CUBN: variants seen among roughly 807,000 people sequenced by gnomAD.
CUBN encodes the protein cubilin.
A neutral mutation model predicts 405.3 loss-of-function variants in CUBN; 282 were observed. That is an observed-to-expected ratio of 0.70 (90% CI 0.63 to 0.77). CUBN has a LOEUF of 0.77. Ranked by LOEUF, CUBN falls within the 30% of genes least tolerant of loss-of-function variation. The pLI is 0.00. For synonymous variants in CUBN, 1,684 were observed against 1,617.0 expected (o/e 1.04, Z -0.99); for missense variants, 4,514 against 4,475.2 (o/e 1.01, Z -0.25).
At chr10:16,948,361 C>T in intron 35 of CUBN, 117 bp downstream of exon 35, 1 of 1,355,372 alleles carries the variant, frequency 7.4e-7, no homozygotes, top group Non-Finnish European at 1.0e-6. Flanking sequence ...AGATTTGGCC[C>T]AGAGGTGATC....
At chr10:16,978,870 G>T (rs1451864834) in intron 31 of CUBN, among the ~76,000 whole-genome samples, 1 of 152,186 alleles carries the variant, frequency 6.6e-6, no homozygotes, top group African/African-American at 2.4e-5. Flanking sequence ...AAGAAACAAA[G>T]CATATTCAAA....
intron 39 of CUBN, among the ~76,000 whole-genome samples, chr10:16,937,160 C>G (rs1054004602): frequency 6.6e-6 from 1 of 152,092 alleles, no homozygotes; most frequent in African/African-American, 2.4e-5. Flanking sequence ...AAATTTACAA[C>G]CAGCTAAGGA....
At chr10:16,878,609 G>A (rs1056717441) in intron 56 of CUBN, among the ~76,000 whole-genome samples, 9 of 152,046 alleles carry the variant, frequency 5.9e-5, no homozygotes, top group African/African-American at 2.2e-4. Context: ...TGGTGTTGCC[G>A]ACTTACTCTC....
intron 22 of CUBN, among the ~76,000 whole-genome samples, chr10:17,053,233 T>A (rs565208837): frequency 6.6e-6 from 1 of 152,048 alleles, no homozygotes. Flanking sequence ...ATAAAAATAA[T>A]TACATTAGTT....
chr10:17,051,397 A>G (rs996163499), intron 22 of CUBN, among the ~76,000 whole-genome samples: 3 of 152,206 alleles, frequency 2.0e-5, no homozygotes, highest in Admixed American at 6.5e-5. Flanking sequence ...TATGAATCAA[A>G]TCAAGAAAAG....
Position 16,976,006 on chromosome 10 carries a change from T to C in CUBN, c.4695+6478A>G, listed in dbSNP as rs564037026. 2.0e-5 allele frequency among the ~76,000 whole-genome samples: 3 copies of C among 150,788 alleles called. No individual in the cohort carries two copies. In the South Asian group the frequency reaches 6.3e-4, roughly 32 times the overall value. ...TTTTTTTAACAGACAGGGTCTTGCT[T>C]GTTGCCTAGGCTGAAGTGCAGTGGC... is the stretch of plus-strand genomic sequence containing the variant. On this transcript the variant is annotated intron_variant, in intron 31 of 66. Transcript: ENST00000377833.
intron 27 of CUBN, among the ~76,000 whole-genome samples, chr10:17,032,350 C>A (rs1357777138): frequency 6.6e-6 from 1 of 152,106 alleles, no homozygotes; most frequent in Non-Finnish European, 1.5e-5. Context: ...ATTCCTTGCC[C>A]AAGATCACAG....
At position 17,123,613 on chromosome 10, in the gene CUBN, A is replaced by G. The variant is rs1837096742; in HGVS notation, c.464T>C (p.Phe155Ser). Reference sequence around the variant, plus strand: ...CTTCCACTGTGGGGGACAGATACAAAAAAAGGAATCATGCAGATTGAGGCA... The same window carrying G: ...CTTCCACTGTGGGGGACAGATACAAGAAAAGGAATCATGCAGATTGAGGCA... ...GTCLNLHDSF[F>S]CICPPQWKGP... is the part of the protein sequence containing the mutation. Residue 155 changes from phenylalanine to serine, a missense_variant, in exon 5 of 67, where the codon TTT becomes TCT. Around this residue, in one of 5 missense-constraint regions of CUBN, gnomAD observed 1,448 missense variants for 1,388.0 expected, o/e 1.04. Transcript: ENST00000377833. 1 of 1,613,882 alleles carries G rather than the reference A, an allele frequency of 6.2e-7. No homozygotes were observed. Among genetic ancestry groups the G allele is most frequent in the Admixed American group, 1.7e-5 (1 of 59,992 alleles).
At chr10:16,961,872 T>A (rs7075219) in intron 31 of CUBN, among the ~76,000 whole-genome samples, 9 of 151,714 alleles carry the variant, frequency 5.9e-5, no homozygotes, top group Non-Finnish European at 7.4e-5. Flanking sequence ...CCACTACGCC[T>A]GGCTAATTTT....
chr10:16,903,335 T>G (rs1200576876), intron 51 of CUBN, among the ~76,000 whole-genome samples: 1 of 152,150 alleles, frequency 6.6e-6, no homozygotes, highest in Non-Finnish European at 1.5e-5. Context: ...ACCAATATAT[T>G]TAATAATAAA....
chr10:16,935,757 G>A (rs2131598984), intron 39 of CUBN, among the ~76,000 whole-genome samples: 1 of 151,748 alleles, frequency 6.6e-6, no homozygotes, highest in Admixed American at 6.6e-5. Flanking sequence ...GTGGGCACCT[G>A]TAGTCCTAGC....
At chr10:17,115,359 T>TATGTCCTACTTACA in intron 7 of CUBN, 112 bp downstream of exon 7, 2 of 1,358,796 alleles carry the variant, frequency 1.5e-6, no homozygotes, top group South Asian at 2.4e-5. Context: ...AGACAGGAAG[T>TATGTCCTACTTACA]GACTTCACCT....
intron 51 of CUBN, among the ~76,000 whole-genome samples, chr10:16,903,237 G>A (rs934134652): frequency 6.6e-6 from 1 of 152,106 alleles, no homozygotes; most frequent in Non-Finnish European, 1.5e-5. Flanking sequence ...AAAATCCTAT[G>A]CCCATTTACA....
At chr10:17,010,030 C>G (rs1171776497) in intron 28 of CUBN, among the ~76,000 whole-genome samples, 1 of 152,178 alleles carries the variant, frequency 6.6e-6, no homozygotes, top group East Asian at 1.9e-4. Flanking sequence ...AGAGCAGCAC[C>G]AGCAGCATTA....
chr10:17,003,793 C>T (rs983085808), intron 28 of CUBN, among the ~76,000 whole-genome samples: 29 of 152,322 alleles, frequency 1.9e-4, no homozygotes, highest in Non-Finnish European at 3.1e-4. Context: ...TGTCTTGTCT[C>T]TGCAGACCGC....
At position 16,899,162 on chromosome 10, in the gene CUBN, G is replaced by A; in HGVS notation, c.8432C>T (p.Ser2811Phe). Residue 2811 changes from serine to phenylalanine, a missense_variant, in exon 54 of 67, where the codon TCT becomes TTT. By Grantham distance (155) the Ser-to-Phe change is radical (BLOSUM62 -2). Transcript: ENST00000377833. ...QTLGCGGIFHSDNGTIRSPHW... is the reference protein window; with the variant it reads ...QTLGCGGIFHFDNGTIRSPHW... Reference sequence around the variant, plus strand: ...AGGGGATCTGATTGTACCATTATCAGAATGAAATATTCCACCACAACCTGA... The same window carrying A: ...AGGGGATCTGATTGTACCATTATCAAAATGAAATATTCCACCACAACCTGA... The A allele has an allele frequency of 6.2e-7, 1 of 1,613,888 alleles. No individual in the cohort carries two copies.
At chr10:17,055,500 G>T (rs929687412) in intron 22 of CUBN, among the ~76,000 whole-genome samples, 4 of 152,020 alleles carry the variant, frequency 2.6e-5, no homozygotes, top group African/African-American at 9.7e-5. Context: ...CACAGTTATT[G>T]TCATCTATGT....
At chr10:16,980,580 C>G (rs554961536) in intron 31 of CUBN, among the ~76,000 whole-genome samples, 1 of 152,224 alleles carries the variant, frequency 6.6e-6, no homozygotes, top group African/African-American at 2.4e-5. Context: ...TCTCAGCAAA[C>G]TAACACAGGA....
At chr10:16,949,327 G>A (rs1210997333) in intron 34 of CUBN, among the ~76,000 whole-genome samples, 2 of 152,040 alleles carry the variant, frequency 1.3e-5, no homozygotes, top group East Asian at 3.9e-4. Context: ...TAGGCAACAG[G>A]CCAAACAGTC....
Sources: allele counts gnomAD v4.1 joint callset (sites outside exome capture counted in the v4.1 genomes callset), GRCh38; gene constraint gnomAD v4.1.1; regional missense constraint gnomAD v4.1.1; transcripts MANE v1.5; gene names NCBI Gene and HGNC (gene_info 2026-07-23, HGNC 2026-07-21).